The following EHHADH variants were observed in gnomAD, a reference collection of about 807,000 sequenced individuals.
EHHADH encodes the protein enoyl-CoA hydratase and 3-hydroxyacyl CoA dehydrogenase.
A neutral mutation model predicts 64.4 loss-of-function variants in EHHADH; 48 were observed. The observed-to-expected ratio is 0.75, with a 90% confidence interval of 0.59 to 0.95. The LOEUF is 0.95. EHHADH is among the 40% of genes least tolerant of loss of function. The pLI is 0.00. For synonymous variants in EHHADH, 308 were observed against 326.7 expected (o/e 0.94, Z 0.62); for missense variants, 854 against 876.6 (o/e 0.97, Z 0.33).
chr3:185,253,687 C>T (rs2108655616), intron 1 of EHHADH: 2 of 716,278 alleles, frequency 2.8e-6, no homozygotes, highest in African/African-American at 3.7e-5. Context: ...TCTGTCTCAG[C>T]CTCAGCCTCA....
intron 2 of EHHADH, among the ~76,000 whole-genome samples, chr3:185,239,367 T>C (rs1167689408): frequency 1.3e-5 from 2 of 152,182 alleles, no homozygotes; most frequent in Non-Finnish European, 2.9e-5. Context: ...TGTATATTGT[T>C]TTGGGCAGTA....
At chr3:185,218,097 G>A (rs774155460) in intron 5 of EHHADH, 39 bp downstream of exon 5, 1 of 1,459,118 alleles carries the variant, frequency 6.9e-7, no homozygotes, top group Non-Finnish European at 9.5e-7. Flanking sequence ...CATGTATCCT[G>A]TTTACAGTCT....
In EHHADH at chr3:185,204,693, G is replaced by T; in HGVS notation, c.633C>A (p.Ser211Arg). The T allele has an allele frequency of 6.2e-7, 1 of 1,614,194 alleles. No homozygotes were observed. Among genetic ancestry groups the T allele is most frequent in the Non-Finnish European group, 8.5e-7 (1 of 1,180,016 alleles). The change falls in exon 6 of 7, where the codon AGC (serine) becomes AGA (arginine). Residue 211 changes from serine to arginine, a missense_variant. Ser to Arg is a moderately radical substitution (Grantham distance 110, BLOSUM62 -1). Coordinates refer to ENST00000231887, the MANE Select transcript of EHHADH (RefSeq NM_001966.4). ...KPIQSLPNMDSIFSEALLKMR... is the reference protein window; with the variant it reads ...KPIQSLPNMDRIFSEALLKMR... ...TCTTCAAGAGGGCCTCACTAAAAATGCTGTCCATGTTGGGCAAGCTCTGAA... is the reference window on the plus strand; with the variant it reads ...TCTTCAAGAGGGCCTCACTAAAAATTCTGTCCATGTTGGGCAAGCTCTGAA...
chr3:185,248,280 T>TA, intron 2 of EHHADH, 134 bp downstream of exon 2: 1 of 731,008 alleles, frequency 1.4e-6, no homozygotes. Context: ...TCCACAGTGT[T>TA]ACTCATTCTC....
intron 5 of EHHADH, among the ~76,000 whole-genome samples, chr3:185,212,946 C>T (rs532027769): frequency 2.0e-5 from 3 of 151,292 alleles, no homozygotes; most frequent in East Asian, 3.9e-4. Context: ...ATGGTGAAAC[C>T]CCGTCTCTAC....
At chr3:185,253,848 CCTT>C in intron 1 of EHHADH, 98 bp downstream of exon 1, 5 of 1,531,608 alleles carry the variant, frequency 3.3e-6, no homozygotes, top group South Asian at 1.2e-5. Context: ...TCTTGAGTGT[CCTT>C]CTCGGTTTAA....
chr3:185,211,053 G>A (rs533111518), intron 5 of EHHADH, among the ~76,000 whole-genome samples: 16 of 152,272 alleles, frequency 1.1e-4, no homozygotes, highest in African/African-American at 3.8e-4. Flanking sequence ...ATCATAGATG[G>A]TTTTTCCCTG....
chr3:185,193,084 A>G lies in EHHADH; in HGVS notation c.1314T>C (p.His438=). The change falls in exon 7 of 7, where the codon CAT becomes CAC. Residue 438 remains histidine (H), a synonymous_variant. Transcript: ENST00000231887. ...VIGTHFFSPA[H]VMKLLEVIPS... ...GAATAACCTCTAACAACTTCATGAC[A>G]TGAGCTGGCGAAAAGAAGTGGGTGC... The G allele has an allele frequency of 6.2e-7, 1 of 1,614,016 alleles. No individual in the cohort carries two copies. Among genetic ancestry groups the G allele is most frequent in the African/African-American group, 1.3e-5 (1 of 75,042 alleles).
At position 185,192,055 on chromosome 3, in the gene EHHADH, G is replaced by A. The variant is rs548870835; in HGVS notation, c.*171C>T. The A allele has an allele frequency of 4.3e-5, 31 of 728,942 alleles. No individual in the cohort carries two copies. The highest frequency in any genetic ancestry group is 6.2e-5 in the Non-Finnish European group (28 of 453,886). 45.2% of individuals were successfully genotyped at this position (728,942 alleles called of 1,614,324 possible). Reference sequence around the variant, plus strand: ...AAGGACAGATTCAGAGGCATAGGAAGCACATTCCTAAAGATTTGACCATTA... The same window carrying A: ...AAGGACAGATTCAGAGGCATAGGAAACACATTCCTAAAGATTTGACCATTA... On this transcript the variant is annotated 3_prime_UTR_variant, in exon 7 of 7. Transcript: ENST00000231887.
chr3:185,239,812 C>T (rs1022513846), intron 2 of EHHADH, among the ~76,000 whole-genome samples: 1 of 152,110 alleles, frequency 6.6e-6, no homozygotes, highest in Admixed American at 6.5e-5. Flanking sequence ...ACTTCCAGTA[C>T]TATGTTGACT....
intron 6 of EHHADH, among the ~76,000 whole-genome samples, chr3:185,197,368 T>G (rs1002468146): frequency 1.3e-5 from 2 of 152,216 alleles, no homozygotes; most frequent in Non-Finnish European, 2.9e-5. Context: ...TGGCATTAAA[T>G]GCATTCACAA....
intron 5 of EHHADH, among the ~76,000 whole-genome samples, chr3:185,214,658 A>G (rs181803755): frequency 6.6e-6 from 1 of 152,348 alleles, no homozygotes; most frequent in Non-Finnish European, 1.5e-5. Flanking sequence ...GAACACACGC[A>G]CACACTTGTA....
chr3:185,230,101 A>G (rs1265256118), intron 3 of EHHADH, among the ~76,000 whole-genome samples: 1 of 152,218 alleles, frequency 6.6e-6, no homozygotes, highest in Admixed American at 6.5e-5. Flanking sequence ...TCAGAGGAAT[A>G]CAAATCAAAA....
chr3:185,227,106 G>A (rs141620047), intron 4 of EHHADH, among the ~76,000 whole-genome samples: 1 of 152,346 alleles, frequency 6.6e-6, no homozygotes, highest in African/African-American at 2.4e-5. Context: ...GGGATTCAAA[G>A]CCAGGTCTTT....
intron 1 of EHHADH, among the ~76,000 whole-genome samples, chr3:185,251,352 G>A (rs1719741165): frequency 6.6e-6 from 1 of 152,100 alleles, no homozygotes; most frequent in Admixed American, 6.6e-5. Context: ...GATAGGTTTT[G>A]TTTTAGGAAA....
chr3:185,199,314 G>T (rs1718161568), intron 6 of EHHADH, among the ~76,000 whole-genome samples: 1 of 152,226 alleles, frequency 6.6e-6, no homozygotes, highest in South Asian at 2.1e-4. Context: ...CCGGCACACA[G>T]AAGACTGTAC....
chr3:185,201,574 C>T (rs925966678), intron 6 of EHHADH, among the ~76,000 whole-genome samples: 5 of 151,938 alleles, frequency 3.3e-5, no homozygotes, highest in East Asian at 1.9e-4. Flanking sequence ...TCAGAGGACA[C>T]GAGGGAGCGG....
Position 185,198,246 on chromosome 3 carries a change from T to C in EHHADH, c.911-4759A>G, listed in dbSNP as rs181378484. ...TATTTGTTTATTTTTTGAGATGGAGTCTTGCTCTGTCACCCAGACTGGAGT... is the reference window on the plus strand; with the variant it reads ...TATTTGTTTATTTTTTGAGATGGAGCCTTGCTCTGTCACCCAGACTGGAGT... On this transcript the variant is annotated intron_variant, in intron 6 of 6. Coordinates refer to ENST00000231887, the MANE Select transcript of EHHADH (RefSeq NM_001966.4). Among the ~76,000 whole-genome samples, 502 of 151,932 alleles carry C rather than the reference T, an allele frequency of 3.3e-3. 1 individual carries two copies. The highest frequency in any genetic ancestry group is 0.012 in the African/African-American group (478 of 41,438).
chr3:185,192,121 T>C lies in EHHADH; in HGVS notation c.*105A>G. On this transcript the variant is annotated 3_prime_UTR_variant, in exon 7 of 7. Coordinates refer to ENST00000231887, the MANE Select transcript of EHHADH (RefSeq NM_001966.4). ...AGATTCTAATGATTATTTATTTTGC[T>C]TTGTATTTCAGAACAATCTTACTTT... The C allele has an allele frequency of 7.6e-7, 1 of 1,313,016 alleles. No individual in the cohort carries two copies. Among genetic ancestry groups the C allele is most frequent in the Non-Finnish European group, 1.1e-6 (1 of 950,862 alleles). The allele number at this position is 1,313,016 out of a possible 1,614,324, so 81.3% of individuals were successfully genotyped here.
Sources: allele counts gnomAD v4.1 joint callset (sites outside exome capture counted in the v4.1 genomes callset), GRCh38; gene constraint gnomAD v4.1.1; transcripts MANE v1.5; gene names NCBI Gene and HGNC (gene_info 2026-07-23, HGNC 2026-07-21).